The following PPM1E variants were observed in gnomAD, a reference collection of about 807,000 sequenced individuals.
PPM1E encodes the protein protein phosphatase 1E.
In PPM1E, 20 loss-of-function variants were observed where a neutral mutation model predicts 65.9. That is an observed-to-expected ratio of 0.30 (90% confidence interval 0.21 to 0.44). PPM1E has a LOEUF of 0.44. Among genes scored for constraint, PPM1E ranks in the 20% least tolerant of loss-of-function variants. The pLI, the probability that PPM1E is intolerant of heterozygous loss-of-function variation, is 1.00. For missense variants in PPM1E, 713 were observed against 953.1 expected (o/e 0.75, Z 3.32); for synonymous variants, 352 against 374.9 (o/e 0.94, Z 0.70).
intron 1 of PPM1E, among the ~76,000 whole-genome samples, chr17:58,770,785 G>T (rs538627895): frequency 1.2e-4 from 18 of 151,446 alleles, no homozygotes; most frequent in Admixed American, 7.9e-4. Context: ...GACTATAAAA[G>T]ATTTTAATTA....
intron 5 of PPM1E, 147 bp from the exon 6 acceptor site, chr17:58,972,685 C>A: frequency 1.4e-6 from 1 of 704,804 alleles, no homozygotes. Flanking sequence ...ATTGCTATCA[C>A]ATCAGCAACT....
intron 1 of PPM1E, among the ~76,000 whole-genome samples, chr17:58,882,900 A>G (rs1180609225): frequency 7.0e-6 from 1 of 143,432 alleles, no homozygotes; most frequent in Non-Finnish European, 1.5e-5. Context: ...TCTGTCTGAG[A>G]TTTCCTCAAC....
At chr17:58,909,689 T>C (rs2051600240) in intron 1 of PPM1E, among the ~76,000 whole-genome samples, 1 of 152,204 alleles carries the variant, frequency 6.6e-6, no homozygotes, top group Non-Finnish European at 1.5e-5. Context: ...TTTGCTCCTC[T>C]GTAAGTAAGG....
chr17:58,927,018 T>A (rs915099651), intron 1 of PPM1E, among the ~76,000 whole-genome samples: 2 of 152,160 alleles, frequency 1.3e-5, no homozygotes, highest in African/African-American at 2.4e-5. Flanking sequence ...TTTATTTTTT[T>A]AAATCTGATA....
chr17:58,898,772 A>G (rs182802659), intron 1 of PPM1E, among the ~76,000 whole-genome samples: 2 of 152,300 alleles, frequency 1.3e-5, no homozygotes, highest in Admixed American at 6.5e-5. Flanking sequence ...ATGTACATCA[A>G]TGATAGACTG....
At chr17:58,948,633 A>G (rs2052195424) in intron 1 of PPM1E, among the ~76,000 whole-genome samples, 1 of 152,172 alleles carries the variant, frequency 6.6e-6, no homozygotes. Flanking sequence ...ATTTAATTTC[A>G]ATTTTCATAC....
intron 1 of PPM1E, among the ~76,000 whole-genome samples, chr17:58,920,645 G>A (rs779206631): frequency 6.6e-6 from 1 of 152,182 alleles, no homozygotes; most frequent in Non-Finnish European, 1.5e-5. Context: ...ATGAAAAGGA[G>A]GTTGAGAATT....
intron 1 of PPM1E, among the ~76,000 whole-genome samples, chr17:58,824,428 T>C (rs940477534): frequency 1.3e-5 from 2 of 152,160 alleles, no homozygotes; most frequent in Non-Finnish European, 2.9e-5. Context: ...CTCAAAAGCT[T>C]ATATCAGTGA....
At chr17:58,784,012 G>GT (rs2050074203) in intron 1 of PPM1E, among the ~76,000 whole-genome samples, 1 of 149,610 alleles carries the variant, frequency 6.7e-6, no homozygotes. Flanking sequence ...TGCCCGGCCT[G>GT]TTTTTTTTGT....
At chr17:58,928,923 T>A (rs12232477) in intron 1 of PPM1E, among the ~76,000 whole-genome samples, 2 of 151,534 alleles carry the variant, frequency 1.3e-5, no homozygotes, top group African/African-American at 2.4e-5. Context: ...AGGCTGGTCT[T>A]GAACTCCTGA....
At chr17:58,846,303 G>A (rs903949959) in intron 1 of PPM1E, among the ~76,000 whole-genome samples, 6 of 151,776 alleles carry the variant, frequency 4.0e-5, no homozygotes, top group South Asian at 4.2e-4. Context: ...AAATTCTAGG[G>A]TACATGTGCA....
At chr17:58,924,239 A>G (rs2051794450) in intron 1 of PPM1E, among the ~76,000 whole-genome samples, 1 of 151,890 alleles carries the variant, frequency 6.6e-6, no homozygotes, top group Non-Finnish European at 1.5e-5. Context: ...TCTTTTAAAA[A>G]AAGAAAAAAA....
chr17:58,976,781 G>T (rs2031024399), intron 6 of PPM1E, among the ~76,000 whole-genome samples: 1 of 152,178 alleles, frequency 6.6e-6, no homozygotes. Context: ...ACAAATCTTT[G>T]TATGTTCTGT....
chr17:58,927,209 C>T (rs2051834530), intron 1 of PPM1E, among the ~76,000 whole-genome samples: 2 of 150,154 alleles, frequency 1.3e-5, no homozygotes, highest in African/African-American at 4.9e-5. Flanking sequence ...TCACTGCAAG[C>T]TCCACCTCCT....
At chr17:58,965,049 TA>T (rs57005125) in intron 2 of PPM1E, among the ~76,000 whole-genome samples, 80,390 of 140,968 alleles carry the variant, frequency 0.57, 22,424 homozygotes, top group Middle Eastern at 0.62. Context: ...CCGTCTTAAT[TA>T]AAAAAAAAAA....
At chr17:58,819,428 C>T (rs561063105) in intron 1 of PPM1E, among the ~76,000 whole-genome samples, 5 of 152,256 alleles carry the variant, frequency 3.3e-5, no homozygotes, top group African/African-American at 4.8e-5. Context: ...GGATTACAAG[C>T]GTGAGCCACT....
intron 1 of PPM1E, among the ~76,000 whole-genome samples, chr17:58,770,156 A>G (rs1218889269): frequency 6.6e-6 from 1 of 152,192 alleles, no homozygotes; most frequent in Non-Finnish European, 1.5e-5. Flanking sequence ...ATAGTTTTGG[A>G]ATCATCATTG....
intron 4 of PPM1E, among the ~76,000 whole-genome samples, chr17:58,969,956 A>T (rs773791427): frequency 4.6e-5 from 7 of 152,280 alleles, no homozygotes; most frequent in Non-Finnish European, 1.0e-4. Context: ...AATTTTCTGG[A>T]TTCATTTCTG....
intron 4 of PPM1E, 96 bp downstream of exon 4, chr17:58,969,823 G>A: frequency 8.6e-7 from 1 of 1,163,964 alleles, no homozygotes; most frequent in Non-Finnish European, 1.2e-6. Flanking sequence ...TCTCTTTCTG[G>A]GCAGACATTA....
Sources: gnomAD v4.1 joint callset for allele counts (sites outside exome capture counted in the v4.1 genomes callset) on GRCh38, gnomAD v4.1.1 for gene constraint, MANE v1.5 for transcripts, NCBI Gene and HGNC (gene_info 2026-07-23, HGNC 2026-07-21) for gene names.